Variants in CFAP46 observed in about 807,000 individuals in gnomAD.
CFAP46 encodes the protein cilia and flagella associated protein 46, also known as cilia- and flagella-associated protein 46.
Under a neutral mutation model 325.7 loss-of-function variants are expected in CFAP46, and 245 were observed. The ratio of observed to expected loss-of-function variants is 0.75; its 90% CI spans 0.68 to 0.84. CFAP46 has a LOEUF of 0.84. Ranked by LOEUF, CFAP46 falls within the 40% of genes least tolerant of loss-of-function variation. The pLI is 0.00. For synonymous variants in CFAP46, 1,523 were observed against 1,495.9 expected (o/e 1.02, Z -0.42); for missense variants, 3,346 against 3,543.0 (o/e 0.94, Z 1.41).
chr10:132,880,902 T>G lies in CFAP46; in HGVS notation c.3758A>C (p.Lys1253Thr). Residue 1253 changes from lysine to threonine, a missense_variant, in exon 28 of 58, where the codon AAG (lysine) becomes ACG (threonine). Transcript: ENST00000368586. Reference sequence around the variant, plus strand: ...TGGCTCAGGGACATCGCCGGGCGGCTTCATGGCCAGCAGGATCTCGACAGC... The same window carrying G: ...TGGCTCAGGGACATCGCCGGGCGGCGTCATGGCCAGCAGGATCTCGACAGC... ...RWAVEILLAM[K>T]PPGDVPEPQP... 1 of 1,550,194 alleles carries G rather than the reference T, an allele frequency of 6.5e-7. No individual in the cohort carries two copies. Among genetic ancestry groups the G allele is most frequent in the Non-Finnish European group, 8.7e-7 (1 of 1,146,958 alleles).
chr10:132,875,838 AACTG>A (rs1227163237), intron 31 of CFAP46, among the ~76,000 whole-genome samples: 1 of 152,228 alleles, frequency 6.6e-6, no homozygotes, highest in Non-Finnish European at 1.5e-5. Context: ...ACACACAAAA[AACTG>A]ACTAATTACA....
chr10:132,917,742 C>G lies in CFAP46; in HGVS notation c.1986+651G>C, dbSNP rs551876479. ...CCTCATATTCATTTTGTTTGAAGCA[C>G]AGAAGGTTCTATGACAATAAATATC... On this transcript the variant is annotated intron_variant, in intron 16 of 57. Transcript: ENST00000368586. Among the ~76,000 whole-genome samples the G allele has an allele frequency of 5.3e-5, 8 of 152,304 alleles. No individual in the cohort carries two copies. The East Asian group carries it at 1.5e-3, about 29-fold the overall frequency.
intron 50 of CFAP46, among the ~76,000 whole-genome samples, chr10:132,826,463 A>G (rs374147649): frequency 0.019 from 2,430 of 126,642 alleles, 41 homozygotes; most frequent in South Asian, 0.075. Context: ...AGCCGGAGCC[A>G]CAGAGACCTG....
rs945648731 is a variant in CFAP46 at position 132,869,261 on chromosome 10, G to A, written c.4610+13C>T. On this transcript the variant is annotated intron_variant, in intron 33 of 57. Transcript: ENST00000368586. The surrounding 1 kb of genome is among the most constrained non-coding windows in gnomAD (Gnocchi z 6.2). Reference sequence around the variant, plus strand: ...CTCAAACCCCAGGCGGCGCAGGGTGGGACGGCACACACCTGGCCTGCTCCA... The same window carrying A: ...CTCAAACCCCAGGCGGCGCAGGGTGAGACGGCACACACCTGGCCTGCTCCA... The A allele has an allele frequency of 6.6e-7, 1 of 1,519,116 alleles. No homozygotes were observed. Among genetic ancestry groups the A allele is most frequent in the African/African-American group, 1.4e-5 (1 of 72,042 alleles). 94.1% of individuals were successfully genotyped at this position (1,519,116 alleles called of 1,614,324 possible).
intron 24 of CFAP46, among the ~76,000 whole-genome samples, chr10:132,894,496 A>G (rs1448537515): frequency 1.3e-5 from 2 of 152,230 alleles, no homozygotes; most frequent in African/African-American, 4.8e-5. Context: ...ACAAAAATAG[A>G]TAACAGAAAA....
Position 132,913,226 on chromosome 10 carries a change from A to G in CFAP46, c.2153T>C (p.Met718Thr). 4.5e-6 allele frequency: 7 copies of G among 1,550,414 alleles called. No individual in the cohort carries two copies. The highest frequency in any genetic ancestry group is 2.0e-5 in the Admixed American group (1 of 51,004). Residue 718 changes from methionine to threonine, a missense_variant, in exon 18 of 58, where the codon ATG becomes ACG. By Grantham distance (81) the Met-to-Thr change is moderately conservative. Transcript: ENST00000368586. ...TWIESLSRCA[M>T]NNWLRSAEIG... is the part of the protein sequence containing the mutation. Reference sequence around the variant, plus strand: ...CTCTGCGGAGCGCAGCCAGTTATTCATGGCACACCGGGACAGACTCTCGAT... The same window carrying G: ...CTCTGCGGAGCGCAGCCAGTTATTCGTGGCACACCGGGACAGACTCTCGAT...
intron 39 of CFAP46, among the ~76,000 whole-genome samples, chr10:132,855,133 T>C (rs1315852054): frequency 6.7e-6 from 1 of 148,604 alleles, no homozygotes; most frequent in African/African-American, 2.5e-5. Context: ...GAAATCTGAC[T>C]GTAATTGTAG....
At chr10:132,936,683 C>T (rs1427054294) in intron 7 of CFAP46, among the ~76,000 whole-genome samples, 1 of 152,240 alleles carries the variant, frequency 6.6e-6, no homozygotes, top group Non-Finnish European at 1.5e-5. Flanking sequence ...TCTCCTCCTA[C>T]AGGCTCTTTC....
At chr10:132,815,205 A>G (rs1383639593) in intron 50 of CFAP46, among the ~76,000 whole-genome samples, 2 of 152,218 alleles carry the variant, frequency 1.3e-5, no homozygotes, top group African/African-American at 4.8e-5. Flanking sequence ...TGTGCCTGCC[A>G]TGCCCGGGCC....
chr10:132,879,534 C>G lies in CFAP46; in HGVS notation c.3897G>C (p.Glu1299Asp). 1 of 1,547,422 alleles carries G rather than the reference C, an allele frequency of 6.5e-7. No homozygotes were observed. The highest frequency in any genetic ancestry group is 8.7e-7 in the Non-Finnish European group (1 of 1,146,146). Residue 1299 changes from glutamate to aspartate, a missense_variant, in exon 29 of 58, where the codon GAG (glutamate) becomes GAC (aspartate). Coordinates refer to ENST00000368586, the MANE Select transcript of CFAP46 (RefSeq NM_001200049.3). Reference protein sequence around the residue: ...LEQLRSVRQLEALARVHILLA... With the variant: ...LEQLRSVRQLDALARVHILLA... ...GCAGGATGTGCACGCGGGCCAGCGC[C>G]TCCAGCTGCCGCACGCTACGCAGCT... is the stretch of plus-strand genomic sequence containing the variant.
intron 46 of CFAP46, 128 bp from the exon 47 acceptor site, chr10:132,835,562 C>T (rs1848227093): frequency 1.6e-6 from 2 of 1,229,474 alleles, no homozygotes; most frequent in African/African-American, 3.0e-5. Context: ...AAGTCCCTTC[C>T]TTCATGTGGG....
rs937190173 is a variant in CFAP46 at position 132,860,855 on chromosome 10, T to G, written c.5018A>C (p.Glu1673Ala). ...GGTCAGAGTGGAATTGTACCAGAAC[T>G]CCTCACTTCCGCCCAGGTGCTGGGC... is the stretch of plus-strand genomic sequence containing the variant. ...AQAQHLGGSE[E>A]FWYNSTLTLA... is the part of the protein sequence containing the mutation. Residue 1673 changes from glutamate (E) to alanine (A), a missense_variant, in exon 36 of 58, where the codon GAG becomes GCG. Coordinates refer to ENST00000368586, the MANE Select transcript of CFAP46 (RefSeq NM_001200049.3). 12 of 1,550,934 alleles carry G rather than the reference T, an allele frequency of 7.7e-6. No homozygotes were observed. The African/African-American group carries it at 9.6e-5, about 12-fold the overall frequency.
chr10:132,872,635 G>T, intron 32 of CFAP46, 41 bp downstream of exon 32: 3 of 1,549,442 alleles, frequency 1.9e-6, no homozygotes, highest in Non-Finnish European at 2.6e-6. Flanking sequence ...TTTTTGTTTT[G>T]CTTTGGGGAA....
intron 50 of CFAP46, among the ~76,000 whole-genome samples, chr10:132,822,802 C>CAG (rs1565036714): frequency 0.03 from 1,622 of 53,860 alleles, 41 homozygotes; most frequent in African/African-American, 0.042. Context: ...TGTGTGTGTG[C>CAG]TGATGTGTGC....
chr10:132,898,888 C>T, intron 24 of CFAP46, 71 bp downstream of exon 24: 1 of 1,524,300 alleles, frequency 6.6e-7, no homozygotes, highest in Non-Finnish European at 8.9e-7. Flanking sequence ...TTGGGAGTCT[C>T]TCCGGTCCTT....
intron 27 of CFAP46, among the ~76,000 whole-genome samples, chr10:132,882,427 G>A (rs1849061062): frequency 6.6e-6 from 1 of 151,870 alleles, no homozygotes; most frequent in African/African-American, 2.4e-5. Flanking sequence ...TAGGTGCAAG[G>A]TGTGGGTTTG....
At chr10:132,854,881 C>T (rs564502868) in intron 39 of CFAP46, among the ~76,000 whole-genome samples, 1 of 151,816 alleles carries the variant, frequency 6.6e-6, no homozygotes, top group African/African-American at 2.4e-5. Flanking sequence ...TAGATTGTGG[C>T]ACCAGTACAT....
chr10:132,848,433 G>C (rs865937574), intron 41 of CFAP46, among the ~76,000 whole-genome samples: 5 of 152,146 alleles, frequency 3.3e-5, no homozygotes, highest in Admixed American at 6.5e-5. Context: ...GGTGAGTCGG[G>C]GGGAGGGAGG....
intron 50 of CFAP46, among the ~76,000 whole-genome samples, chr10:132,822,290 G>A (rs1236755555): frequency 1.5e-5 from 2 of 135,052 alleles, no homozygotes; most frequent in East Asian, 4.8e-4. Flanking sequence ...GTGCTGGTGT[G>A]CTGATGTGTG....
Sources: allele counts gnomAD v4.1 joint callset (sites outside exome capture counted in the v4.1 genomes callset), GRCh38; gene constraint gnomAD v4.1.1; non-coding constraint Gnocchi (gnomAD v3.1); transcripts MANE v1.5; gene names NCBI Gene and HGNC (gene_info 2026-07-23, HGNC 2026-07-21).